The following CDH23 variants were observed in gnomAD, a reference collection of about 807,000 sequenced individuals.
CDH23 encodes the protein cadherin-23.
In CDH23, 189 loss-of-function variants were observed where a neutral mutation model predicts 317.1. The ratio of observed to expected loss-of-function variants is 0.60; its 90% CI spans 0.53 to 0.67. The LOEUF is 0.67. Among genes scored for constraint, CDH23 ranks in the 30% least tolerant of loss-of-function variants. The pLI, the probability that CDH23 is intolerant of heterozygous loss-of-function variation, is 0.00. For missense variants in CDH23, 4,401 were observed against 4,592.4 expected (o/e 0.96, Z 1.20); for synonymous variants, 1,839 against 1,876.8 (o/e 0.98, Z 0.52).
chr10:71,786,458 C>T (rs1219572898), intron 44 of CDH23, among the ~76,000 whole-genome samples: 1 of 151,662 alleles, frequency 6.6e-6, no homozygotes, highest in African/African-American at 2.4e-5. Flanking sequence ...CTACATGCCC[C>T]TCCCATGTGG....
At chr10:71,497,565 C>T (rs1353441704) in intron 3 of CDH23, among the ~76,000 whole-genome samples, 5 of 152,216 alleles carry the variant, frequency 3.3e-5, no homozygotes, top group Non-Finnish European at 5.9e-5. Context: ...AGCTCATTCC[C>T]CAAGTGTCCA....
At chr10:71,588,157 AC>A (rs1334428582) in intron 9 of CDH23, among the ~76,000 whole-genome samples, 3 of 152,234 alleles carry the variant, frequency 2.0e-5, no homozygotes, top group South Asian at 2.1e-4. Flanking sequence ...GCCACCTCCC[AC>A]CCCACACAGC....
intron 38 of CDH23, among the ~76,000 whole-genome samples, chr10:71,768,036 C>T (rs527780036): frequency 3.2e-4 from 48 of 152,338 alleles, no homozygotes; most frequent in African/African-American, 1.1e-3. Flanking sequence ...AGGCTCCCGG[C>T]TCCAGCCAGC....
Position 71,712,815 on chromosome 10 carries a change from C to T in CDH23, c.3369+2C>T. ...CCTGAAGGCCACAGCATCTTGCAGG[C>T]AGGTGGCCCGTGGCCTCTGGGGCAG... is the stretch of plus-strand genomic sequence containing the variant. On this transcript the variant is annotated splice_donor_variant, in intron 28 of 69. Coordinates refer to ENST00000224721, the MANE Select transcript of CDH23 (RefSeq NM_022124.6). LOFTEE classifies it low-confidence loss of function (GC_TO_GT_DONOR). The T allele has an allele frequency of 1.9e-6, 3 of 1,610,654 alleles. No individual in the cohort carries two copies. The highest frequency in any genetic ancestry group is 2.5e-6 in the Non-Finnish European group (3 of 1,178,754).
At chr10:71,538,982 A>C (rs1438791032) in intron 6 of CDH23, among the ~76,000 whole-genome samples, 1 of 152,044 alleles carries the variant, frequency 6.6e-6, no homozygotes, top group Non-Finnish European at 1.5e-5. Context: ...TGCTCTCCTC[A>C]CTTGATTTTG....
chr10:71,611,806 A>T (rs574174329), intron 9 of CDH23, among the ~76,000 whole-genome samples: 1 of 152,350 alleles, frequency 6.6e-6, no homozygotes, highest in Admixed American at 6.5e-5. Context: ...TGGTTTTATC[A>T]TGAATGTCTG....
At chr10:71,760,967 C>T in intron 38 of CDH23, 1 of 1,597,928 alleles carries the variant, frequency 6.3e-7, no homozygotes, top group Non-Finnish European at 8.6e-7. Context: ...GTGTCAGGCC[C>T]AGGAGGCCAG....
intron 3 of CDH23, among the ~76,000 whole-genome samples, chr10:71,449,512 A>C (rs1443167378): frequency 6.6e-6 from 1 of 152,220 alleles, no homozygotes; most frequent in Non-Finnish European, 1.5e-5. Flanking sequence ...TAGATTAAAA[A>C]TGATAATATA....
intron 7 of CDH23, among the ~76,000 whole-genome samples, chr10:71,568,513 G>A (rs553293919): frequency 6.6e-6 from 1 of 152,336 alleles, no homozygotes; most frequent in South Asian, 2.1e-4. Context: ...CTCAAGCTGG[G>A]ATGATGAATA....
In CDH23 at chr10:71,408,402, G is replaced by A. The variant is rs750997001; in HGVS notation, c.-6+11084G>A. The stretch of plus-strand genomic sequence containing the variant: ...GAGAGAGAGAGAAAGAGAGAGAATT[G>A]CATCTCCTTAGGAAATATCAGCATC... On this transcript the variant is annotated intron_variant, in intron 1 of 69. Coordinates refer to ENST00000224721, the MANE Select transcript of CDH23 (RefSeq NM_022124.6). 7.2e-5 allele frequency among the ~76,000 whole-genome samples: 11 copies of A among 152,224 alleles called. No homozygotes were observed. In the South Asian group the frequency reaches 8.3e-4, roughly 11 times the overall value.
At chr10:71,418,097 T>C (rs1377884236) in intron 1 of CDH23, among the ~76,000 whole-genome samples, 1 of 152,342 alleles carries the variant, frequency 6.6e-6, no homozygotes, top group East Asian at 1.9e-4. Context: ...TTTTCAACTA[T>C]TGTCTTGAAC....
intron 14 of CDH23, among the ~76,000 whole-genome samples, chr10:71,665,459 C>G (rs938540443): frequency 6.6e-6 from 1 of 152,142 alleles, no homozygotes; most frequent in African/African-American, 2.4e-5. Flanking sequence ...CAGAGTGTGC[C>G]CACTGAGGTC....
chr10:71,734,881 G>A (rs1397687491), intron 34 of CDH23, among the ~76,000 whole-genome samples: 1 of 152,256 alleles, frequency 6.6e-6, no homozygotes, highest in East Asian at 1.9e-4. Context: ...GCCTAGCCCC[G>A]GTAGGGTCTT....
intron 7 of CDH23, among the ~76,000 whole-genome samples, chr10:71,570,161 A>G (rs1246931224): frequency 1.3e-5 from 2 of 152,140 alleles, no homozygotes; most frequent in Non-Finnish European, 2.9e-5. Context: ...AGTCCCCCAG[A>G]TGTCACAGAC....
intron 41 of CDH23, among the ~76,000 whole-genome samples, chr10:71,782,717 A>G (rs1346116583): frequency 6.6e-6 from 1 of 152,198 alleles, no homozygotes; most frequent in African/African-American, 2.4e-5. Flanking sequence ...CTGCCTGCAT[A>G]TGGCCGGGGC....
intron 6 of CDH23, among the ~76,000 whole-genome samples, chr10:71,539,518 T>C (rs1191228880): frequency 1.3e-5 from 2 of 152,062 alleles, no homozygotes; most frequent in Non-Finnish European, 2.9e-5. Context: ...TCAAGCCTGA[T>C]GAACTAAATG....
chr10:71,465,229 A>T (rs556535832), intron 3 of CDH23, among the ~76,000 whole-genome samples: 1 of 152,332 alleles, frequency 6.6e-6, no homozygotes, highest in East Asian at 1.9e-4. Flanking sequence ...TGTTTCCATA[A>T]TGGCAGTGAA....
intron 55 of CDH23, among the ~76,000 whole-genome samples, chr10:71,805,164 A>T (rs979159328): frequency 1.3e-5 from 2 of 152,178 alleles, no homozygotes; most frequent in African/African-American, 4.8e-5. Flanking sequence ...TCATGGGTCA[A>T]TGTATGATTT....
At chr10:71,517,469 G>A (rs1239464151) in intron 6 of CDH23, among the ~76,000 whole-genome samples, 1 of 152,232 alleles carries the variant, frequency 6.6e-6, no homozygotes, top group Non-Finnish European at 1.5e-5. Flanking sequence ...ACCGCAGCCA[G>A]CAGCAGTGCC....
Sources: gnomAD v4.1 joint callset for allele counts (sites outside exome capture counted in the v4.1 genomes callset) on GRCh38, gnomAD v4.1.1 for gene constraint, MANE v1.5 for transcripts, NCBI Gene and HGNC (gene_info 2026-07-23, HGNC 2026-07-21) for gene names.